XDH: variants seen among roughly 807,000 people sequenced by gnomAD.
The protein encoded by XDH is xanthine dehydrogenase.
A neutral mutation model predicts 156.1 loss-of-function variants in XDH; 138 were observed. The ratio of observed to expected loss-of-function variants is 0.88; its 90% CI spans 0.77 to 1.02. The LOEUF is 1.02. Ranked by LOEUF, XDH falls within the 50% of genes least tolerant of loss-of-function variation. The pLI, the probability that XDH is intolerant of heterozygous loss-of-function variation, is 0.00. For missense variants in XDH, 1,849 were observed against 1,684.9 expected, an observed-to-expected ratio of 1.10 and a Z score of -1.71; for synonymous variants, 669 against 625.7, an observed-to-expected ratio of 1.07 and a Z score of -1.03.
intron 13 of XDH, among the ~76,000 whole-genome samples, chr2:31,378,915 T>G (rs1686353364): frequency 6.6e-6 from 1 of 151,728 alleles, no homozygotes; most frequent in Non-Finnish European, 1.5e-5. Context: ...CTCAAAATGG[T>G]CTATACAGAC....
rs1409697544 is a variant in XDH at position 31,343,441 on chromosome 2, ATGTTTATACATATATGCCTTATACATAT to A, written c.3405-1172_3405-1145del. On this transcript the variant is annotated intron_variant, in intron 31 of 35. Transcript: ENST00000379416. ...CATAGAAATGTTTTTTTGTGTATAT[ATGTTTATACATATATGCCTTATACATAT>A]ATGTATAATACATATATATGCCTTA... Among the ~76,000 whole-genome samples the A allele has an allele frequency of 1.5e-3, 197 of 135,448 alleles. 4 individuals carry two copies. The East Asian group carries it at 0.038, about 26-fold the overall frequency. The allele number at this position is 135,448 out of a possible 152,430, so 88.9% of individuals were successfully genotyped here.
intron 1 of XDH, among the ~76,000 whole-genome samples, chr2:31,408,529 T>A (rs998642337): frequency 6.6e-6 from 1 of 152,240 alleles, no homozygotes; most frequent in African/African-American, 2.4e-5. Context: ...CATAATGGGC[T>A]ATAATACATT....
chr2:31,340,008 C>T (rs1394504546), intron 33 of XDH, among the ~76,000 whole-genome samples: 1 of 152,244 alleles, frequency 6.6e-6, no homozygotes, highest in Non-Finnish European at 1.5e-5. Flanking sequence ...AAGAAGCAAG[C>T]TCACAGGAGG....
At chr2:31,359,896 A>G (rs1685730753) in intron 24 of XDH, among the ~76,000 whole-genome samples, 1 of 152,254 alleles carries the variant, frequency 6.6e-6, no homozygotes, top group Non-Finnish European at 1.5e-5. Flanking sequence ...AGTGCCATCA[A>G]TGGGCTTAAG....
intron 9 of XDH, 105 bp downstream of exon 9, chr2:31,386,309 G>A: frequency 6.8e-7 from 1 of 1,476,586 alleles, no homozygotes; most frequent in Admixed American, 1.7e-5. Flanking sequence ...CAGAGGGATA[G>A]GGTGCAGAGG....
chr2:31,397,530 C>T (rs887998352), intron 6 of XDH, 138 bp downstream of exon 6: 25 of 1,071,020 alleles, frequency 2.3e-5, no homozygotes, highest in Middle Eastern at 2.0e-4. Flanking sequence ...CAGATGTCCC[C>T]AGAGGGAAGA....
intron 30 of XDH, among the ~76,000 whole-genome samples, chr2:31,346,524 G>T (rs1308361288): frequency 6.6e-6 from 1 of 152,108 alleles, no homozygotes; most frequent in Non-Finnish European, 1.5e-5. Context: ...TTCCCACAAG[G>T]CTGTCAAGAT....
chr2:31,367,731 A>T (rs1456329332), intron 20 of XDH, among the ~76,000 whole-genome samples: 1 of 152,134 alleles, frequency 6.6e-6, no homozygotes, highest in Admixed American at 6.5e-5. Context: ...ATACTCTAGA[A>T]TCTCTCTAGA....
intron 13 of XDH, among the ~76,000 whole-genome samples, chr2:31,379,094 C>A (rs768959234): frequency 2.0e-5 from 3 of 152,154 alleles, no homozygotes; most frequent in Non-Finnish European, 2.9e-5. Context: ...GCTCCCCAAG[C>A]CTCTCCCAGA....
Position 31,353,967 on chromosome 2 carries a change from T to C in XDH, c.2632-3744A>G, listed in dbSNP as rs115502628. On this transcript the variant is annotated intron_variant, in intron 24 of 35. Transcript: ENST00000379416. ...TATGATGGAGTCACTGGAGAACACA[T>C]TGACTTCCCCACCCACATAACAAAG... is the stretch of plus-strand genomic sequence containing the variant. Among the ~76,000 whole-genome samples, 150 of 152,256 alleles carry C rather than the reference T, an allele frequency of 9.9e-4. 1 individual carries two copies. Among genetic ancestry groups the C allele is most frequent in the Middle Eastern group, 3.4e-3 (1 of 294 alleles).
Position 31,350,191 on chromosome 2 carries a change from G to A in XDH, c.2664C>T (p.Asn888=), listed in dbSNP as rs769894505. 3.7e-6 allele frequency: 6 copies of A among 1,614,126 alleles called. No homozygotes were observed. The South Asian group carries it at 4.4e-5, about 12-fold the overall frequency. The change falls in exon 25 of 36, where the codon AAC becomes AAT. Residue 888 remains asparagine (N), a synonymous_variant. Coordinates refer to ENST00000379416, the MANE Select transcript of XDH (RefSeq NM_000379.4). ...CCCGGATGTTGGGGATTTTATAGCA[G>A]TTGTCCATGTGGAATAAAGCTCGTT... The part of the protein sequence containing the change: ...IMERALFHMD[N]CYKIPNIRGT...
chr2:31,358,364 C>T (rs1305599180), intron 24 of XDH, among the ~76,000 whole-genome samples: 1 of 152,162 alleles, frequency 6.6e-6, no homozygotes, highest in Non-Finnish European at 1.5e-5. Flanking sequence ...ACCAATTCTA[C>T]ACAATCTGTT....
chr2:31,344,064 C>G (rs1374782568), intron 31 of XDH, among the ~76,000 whole-genome samples: 1 of 152,090 alleles, frequency 6.6e-6, no homozygotes, highest in Admixed American at 6.6e-5. Context: ...TAAATATGAT[C>G]ATATCTTTTT....
At chr2:31,382,920 G>A in intron 11 of XDH, 81 bp downstream of exon 11, 1 of 1,600,814 alleles carries the variant, frequency 6.2e-7, no homozygotes, top group South Asian at 1.1e-5. Context: ...CCACTGCACT[G>A]ACACAGTGAG....
rs1480390449 is a variant in XDH at position 31,390,948 on chromosome 2, C to A, written c.496-2653G>T. On this transcript the variant is annotated intron_variant, in intron 6 of 35. Transcript: ENST00000379416. Reference sequence around the variant, plus strand: ...TGCAAATATTTTTCTCCCAGTGTACCGCTTGTCTCCTCATTCATCGTTATT... The same window carrying A: ...TGCAAATATTTTTCTCCCAGTGTACAGCTTGTCTCCTCATTCATCGTTATT... Among the ~76,000 whole-genome samples, 7 of 152,018 alleles carry A rather than the reference C, an allele frequency of 4.6e-5. No homozygotes were observed. The South Asian group carries it at 1.2e-3, about 27-fold the overall frequency.
intron 16 of XDH, 100 bp downstream of exon 16, chr2:31,373,773 A>G: frequency 8.6e-7 from 1 of 1,162,220 alleles, no homozygotes; most frequent in Admixed American, 1.9e-5. Flanking sequence ...TTATGGACCT[A>G]TATACAATTC....
chr2:31,349,855 G>A (rs760834462), intron 25 of XDH, 24 bp from the exon 26 acceptor site: 32 of 1,613,200 alleles, frequency 2.0e-5, no homozygotes, highest in Middle Eastern at 1.9e-4. Context: ...GAGACACAGA[G>A]GCCTTGTTGG....
chr2:31,353,888 C>T (rs560303464), intron 24 of XDH, among the ~76,000 whole-genome samples: 6 of 152,100 alleles, frequency 3.9e-5, no homozygotes, highest in Admixed American at 6.5e-5. Flanking sequence ...GAGACCAGAT[C>T]GGGAGTCAAG....
rs369005680 is a variant in XDH, at chr2:31,383,859, C to T, written c.794-12G>A. 161 of 1,612,622 alleles carry T rather than the reference C, an allele frequency of 1.0e-4. No individual in the cohort carries two copies. The highest frequency in any genetic ancestry group is 1.3e-4 in the Non-Finnish European group (156 of 1,179,376). ...CTTCATCTCAATGCCTAGAGAGAAA[C>T]AAGAAGCTGAAGTTGTAGGCCCATT... is the stretch of plus-strand genomic sequence containing the variant. On this transcript the variant is annotated splice_polypyrimidine_tract_variant and intron_variant, in intron 9 of 35. Coordinates refer to ENST00000379416, the MANE Select transcript of XDH (RefSeq NM_000379.4).
Sources: gnomAD v4.1 joint callset for allele counts (sites outside exome capture counted in the v4.1 genomes callset) on GRCh38, gnomAD v4.1.1 for gene constraint, MANE v1.5 for transcripts, NCBI Gene and HGNC (gene_info 2026-07-23, HGNC 2026-07-21) for gene names.